The following MAGI3 variants were observed in gnomAD, a reference collection of about 807,000 sequenced individuals.
MAGI3 encodes membrane-associated guanylate kinase, WW and PDZ domain-containing protein 3.
A neutral mutation model predicts 121.8 loss-of-function variants in MAGI3; 43 were observed. The observed-to-expected ratio is 0.35, with a 90% CI of 0.28 to 0.46. The LOEUF (loss-of-function observed/expected upper bound fraction) is 0.46, where lower values mean the gene tolerates loss of function less well. Ranked by LOEUF, MAGI3 falls within the 20% of genes least tolerant of loss-of-function variation. MAGI3 has a pLI of 1.00. For synonymous variants in MAGI3, 553 were observed against 639.3 expected (o/e 0.86, Z 2.04); for missense variants, 1,547 against 1,797.3 (o/e 0.86, Z 2.52).
intron 2 of MAGI3, among the ~76,000 whole-genome samples, chr1:113,571,806 G>T (rs530188040): frequency 6.6e-6 from 1 of 152,146 alleles, no homozygotes; most frequent in East Asian, 1.9e-4. Context: ...GAGAAGATGG[G>T]GTTTTCTAAA....
chr1:113,417,656 A>G (rs747439230), intron 1 of MAGI3, among the ~76,000 whole-genome samples: 1 of 152,016 alleles, frequency 6.6e-6, no homozygotes, highest in Non-Finnish European at 1.5e-5. Flanking sequence ...GTTTCTTCTC[A>G]TGATCTCTGT....
intron 1 of MAGI3, among the ~76,000 whole-genome samples, chr1:113,491,076 A>G (rs1022955831): frequency 6.6e-6 from 1 of 152,230 alleles, no homozygotes; most frequent in Non-Finnish European, 1.5e-5. Context: ...CAGAATATAC[A>G]TTCTTATCAT....
chr1:113,522,545 T>C (rs1427637753), intron 1 of MAGI3, among the ~76,000 whole-genome samples: 1 of 152,236 alleles, frequency 6.6e-6, no homozygotes, highest in Non-Finnish European at 1.5e-5. Flanking sequence ...CTCTGGCTAC[T>C]CACCTATAAA....
chr1:113,575,015 G>A (rs1057430220), intron 2 of MAGI3, among the ~76,000 whole-genome samples: 7 of 151,944 alleles, frequency 4.6e-5, no homozygotes, highest in East Asian at 1.9e-4. Flanking sequence ...TGAAGTTCTC[G>A]TGCTGTGTTT....
chr1:113,537,541 A>G (rs1353309212), intron 1 of MAGI3, among the ~76,000 whole-genome samples: 2 of 152,188 alleles, frequency 1.3e-5, no homozygotes, highest in African/African-American at 2.4e-5. Context: ...GCTTTCTGAT[A>G]GCTCACGTAA....
At chr1:113,495,926 C>A (rs1656897834) in intron 1 of MAGI3, among the ~76,000 whole-genome samples, 1 of 146,386 alleles carries the variant, frequency 6.8e-6, no homozygotes, top group Admixed American at 6.8e-5. Flanking sequence ...CATCATTAGA[C>A]CTGCTATGAT....
At chr1:113,483,803 A>G (rs1224652930) in intron 1 of MAGI3, among the ~76,000 whole-genome samples, 2 of 152,156 alleles carry the variant, frequency 1.3e-5, no homozygotes, top group African/African-American at 4.8e-5. Context: ...AAGAGTTGCA[A>G]GAATAGAACA....
chr1:113,496,158 A>T (rs1290522475), intron 1 of MAGI3, among the ~76,000 whole-genome samples: 1 of 152,070 alleles, frequency 6.6e-6, no homozygotes, highest in Non-Finnish European at 1.5e-5. Flanking sequence ...GCTTTTTATG[A>T]TTTCCAAATA....
At position 113,650,994 on chromosome 1, in the gene MAGI3, G is replaced by A; in HGVS notation, c.2248-20G>A. On this transcript the variant is annotated intron_variant, in intron 13 of 20. Coordinates refer to ENST00000307546, the MANE Select transcript of MAGI3 (RefSeq NM_001142782.2). ...TAAACTTTACACTGTGGACCAAACT[G>A]TACTTTGTTATCTTATCAGATATAT... The A allele has an allele frequency of 6.2e-7, 1 of 1,607,458 alleles. No individual in the cohort carries two copies. The highest frequency in any genetic ancestry group is 8.5e-7 in the Non-Finnish European group (1 of 1,175,838).
intron 1 of MAGI3, among the ~76,000 whole-genome samples, chr1:113,453,946 A>C (rs538582943): frequency 6.6e-6 from 1 of 152,342 alleles, no homozygotes; most frequent in South Asian, 2.1e-4. Flanking sequence ...TGTCCATAAT[A>C]TAGCAAGTAG....
intron 19 of MAGI3, among the ~76,000 whole-genome samples, chr1:113,674,548 C>T (rs768563298): frequency 5.3e-5 from 8 of 151,716 alleles, no homozygotes; most frequent in Non-Finnish European, 1.0e-4. Flanking sequence ...TTCCCTGCCA[C>T]CAGTAGGCAT....
intron 1 of MAGI3, among the ~76,000 whole-genome samples, chr1:113,426,073 A>T (rs1316318200): frequency 1.3e-5 from 2 of 152,178 alleles, no homozygotes; most frequent in African/African-American, 4.8e-5. Flanking sequence ...CTTTAGCTAC[A>T]TTCCACATAT....
intron 2 of MAGI3, among the ~76,000 whole-genome samples, chr1:113,579,493 G>C (rs750168592): frequency 1.3e-5 from 2 of 152,172 alleles, no homozygotes; most frequent in African/African-American, 2.4e-5. Flanking sequence ...TGTAAAATGT[G>C]TTGTTATAGA....
intron 1 of MAGI3, among the ~76,000 whole-genome samples, chr1:113,410,995 C>G (rs530648338): frequency 4.5e-4 from 69 of 152,272 alleles, no homozygotes; most frequent in African/African-American, 1.6e-3. Flanking sequence ...GTCCTCTAGA[C>G]AGCCAGATGG....
At chr1:113,555,728 G>A (rs558747234) in intron 2 of MAGI3, among the ~76,000 whole-genome samples, 4 of 151,844 alleles carry the variant, frequency 2.6e-5, no homozygotes, top group East Asian at 3.9e-4. Context: ...CCAGGACCCC[G>A]TCTCTACAAA....
intron 1 of MAGI3, among the ~76,000 whole-genome samples, chr1:113,546,616 C>A (rs1659545578): frequency 6.6e-6 from 1 of 151,854 alleles, no homozygotes; most frequent in African/African-American, 2.4e-5. Flanking sequence ...GGATTACAGG[C>A]ATGAGCCACC....
At chr1:113,590,454 T>C (rs1648631194) in intron 4 of MAGI3, 30 bp from the exon 5 acceptor site, 1 of 1,610,184 alleles carries the variant, frequency 6.2e-7, no homozygotes, top group Non-Finnish European at 8.5e-7. Context: ...TTACCCACTT[T>C]TCACACCTTT....
chr1:113,392,689 C>A (rs1214944284), intron 1 of MAGI3, among the ~76,000 whole-genome samples: 1 of 152,088 alleles, frequency 6.6e-6, no homozygotes, highest in Non-Finnish European at 1.5e-5. Context: ...GTGAGGTTTT[C>A]TTTTTATTGT....
At chr1:113,433,069 C>T (rs12138466) in intron 1 of MAGI3, among the ~76,000 whole-genome samples, 1 of 152,046 alleles carries the variant, frequency 6.6e-6, no homozygotes, top group Non-Finnish European at 1.5e-5. Flanking sequence ...TCCTGGTGGT[C>T]ATAGAATGGT....
Sources: gnomAD v4.1 joint callset for allele counts (sites outside exome capture counted in the v4.1 genomes callset) on GRCh38, gnomAD v4.1.1 for gene constraint, MANE v1.5 for transcripts, NCBI Gene and HGNC (gene_info 2026-07-23, HGNC 2026-07-21) for gene names.